Variants in CASK observed in about 807,000 individuals in gnomAD.
CASK encodes calcium/calmodulin dependent serine protein kinase, also known as peripheral plasma membrane protein CASK.
Under a neutral mutation model 82.9 loss-of-function variants are expected in CASK, and 4 were observed. That is an observed-to-expected ratio of 0.05 (90% CI 0.02 to 0.11). The LOEUF (loss-of-function observed/expected upper bound fraction) is 0.11, where lower values mean the gene tolerates loss of function less well. Among genes scored for constraint, CASK ranks in the 10% least tolerant of loss-of-function variants. CASK has a pLI of 1.00. For synonymous variants in CASK, 259 were observed against 253.5 expected, an observed-to-expected ratio of 1.02 and a Z score of -0.20; for missense variants, 358 against 720.9, an observed-to-expected ratio of 0.50 and a Z score of 5.76.
intron 8 of CASK, among the ~76,000 whole-genome samples, chrX:41,645,554 T>C (rs1171449044): frequency 9.0e-6 from 1 of 111,189 alleles, no homozygotes; most frequent in Non-Finnish European, 1.9e-5. Context: ...TGCCTTCAGA[T>C]ATGATGAGAT....
At chrX:41,749,840 T>C (rs1361741680) in intron 3 of CASK, among the ~76,000 whole-genome samples, 1 of 112,227 alleles carries the variant, frequency 8.9e-6, no homozygotes, top group Non-Finnish European at 1.9e-5. Flanking sequence ...TCAATGAACA[T>C]GATATGTCTC....
chrX:41,851,594 C>T (rs1381587397), intron 2 of CASK, among the ~76,000 whole-genome samples: 2 of 111,340 alleles, frequency 1.8e-5, no homozygotes, highest in Non-Finnish European at 3.8e-5. Flanking sequence ...ATGTCTTTAG[C>T]CTGGGGAGAT....
chrX:41,909,151 A>G (rs1372910674), intron 1 of CASK, among the ~76,000 whole-genome samples: 5 of 111,868 alleles, frequency 4.5e-5, no homozygotes, highest in East Asian at 2.8e-4. Context: ...GTAGGGCCAG[A>G]GCAGGGCCTA....
chrX:41,880,145 C>A (rs2071920976), intron 1 of CASK, among the ~76,000 whole-genome samples: 1 of 111,632 alleles, frequency 9.0e-6, no homozygotes, highest in Non-Finnish European at 1.9e-5. Context: ...AGGCACTTCT[C>A]AAGTTGTCAT....
chrX:41,717,569 G>C (rs919147794), intron 5 of CASK, among the ~76,000 whole-genome samples: 1 of 112,286 alleles, frequency 8.9e-6, no homozygotes, highest in Non-Finnish European at 1.9e-5. Flanking sequence ...AAGAGGCTTA[G>C]AGCAAGAAAT....
chrX:41,747,298 C>A (rs2147740306), intron 3 of CASK, among the ~76,000 whole-genome samples: 1 of 111,172 alleles, frequency 9.0e-6, no homozygotes, highest in Non-Finnish European at 1.9e-5. Flanking sequence ...ATGGTCTAGT[C>A]TACTCCCTAG....
intron 4 of CASK, among the ~76,000 whole-genome samples, chrX:41,744,189 G>A (rs911702980): frequency 1.8e-5 from 2 of 110,260 alleles, no homozygotes; most frequent in Admixed American, 1.9e-4. Flanking sequence ...TATGGCTGGT[G>A]ACTAAGGAGG....
chrX:41,853,306 T>C lies in CASK; in HGVS notation c.60-79A>G, dbSNP rs375297084. On this transcript the variant is annotated intron_variant, in intron 1 of 26. Transcript: ENST00000378163. ...CCATTAATGTCTTACTGTTTCATTA[T>C]CTATATAATATAGATAATGTTTGCC... 22 of 588,312 alleles carry C rather than the reference T, an allele frequency of 3.7e-5. No individual in the cohort carries two copies. The Admixed American group carries it at 4.1e-4, about 11-fold the overall frequency. The allele number at this position is 588,312 out of a possible 1,213,427, so 48.5% of individuals were successfully genotyped here.
chrX:41,597,901 G>A lies in CASK; in HGVS notation c.1156-8309C>T, dbSNP rs752843436. On this transcript the variant is annotated intron_variant, in intron 12 of 26. Transcript: ENST00000378163. Reference sequence around the variant, plus strand: ...CATCTGTCATCCCAGCACCTTGGGAGGCCAAGGTGGGCAGACTGCTTGAGG... The same window carrying A: ...CATCTGTCATCCCAGCACCTTGGGAAGCCAAGGTGGGCAGACTGCTTGAGG... Among the ~76,000 whole-genome samples the A allele has an allele frequency of 5.4e-5, 6 of 110,682 alleles. No homozygotes were observed. In the East Asian group the frequency reaches 1.7e-3, roughly 31 times the overall value.
intron 1 of CASK, among the ~76,000 whole-genome samples, chrX:41,892,428 G>C (rs2072189763): frequency 9.1e-6 from 1 of 110,147 alleles, no homozygotes; most frequent in Non-Finnish European, 1.9e-5. Flanking sequence ...TGCCTCTGGG[G>C]TTCAAGTGGT....
intron 11 of CASK, among the ~76,000 whole-genome samples, chrX:41,613,951 G>A (rs1358374574): frequency 8.9e-6 from 1 of 112,170 alleles, no homozygotes; most frequent in Non-Finnish European, 1.9e-5. Flanking sequence ...GGCTGTCCAC[G>A]TGGAAATTAC....
intron 18 of CASK, chrX:41,558,683 T>C (rs2065189004): frequency 9.0e-6 from 1 of 111,266 alleles, no homozygotes; most frequent in Non-Finnish European, 1.9e-5. Flanking sequence ...TAATTGAAGT[T>C]CCATAAAAAG....
intron 10 of CASK, chrX:41,624,195 A>G (rs1233444027): frequency 3.0e-6 from 1 of 332,771 alleles, no homozygotes; most frequent in East Asian, 9.5e-5. Flanking sequence ...AGGAGAGAAG[A>G]CAGAGGTTTC....
At chrX:41,655,660 G>A (rs1390234559) in intron 8 of CASK, among the ~76,000 whole-genome samples, 1 of 111,308 alleles carries the variant, frequency 9.0e-6, no homozygotes, top group Non-Finnish European at 1.9e-5. Context: ...ACTGTGTGAG[G>A]AACTGTGGGA....
At chrX:41,810,491 A>G (rs2070248733) in intron 2 of CASK, among the ~76,000 whole-genome samples, 1 of 111,575 alleles carries the variant, frequency 9.0e-6, no homozygotes, top group Non-Finnish European at 1.9e-5. Flanking sequence ...ACTAAGCTTC[A>G]TAAGTGAAAG....
intron 2 of CASK, among the ~76,000 whole-genome samples, chrX:41,835,335 T>C (rs1489660968): frequency 8.9e-6 from 1 of 112,064 alleles, no homozygotes; most frequent in African/African-American, 3.2e-5. Context: ...ATTACAGGCA[T>C]GAGCCACCAT....
chrX:41,609,410 C>T (rs2066009581), intron 12 of CASK, among the ~76,000 whole-genome samples: 1 of 111,844 alleles, frequency 8.9e-6, no homozygotes, highest in Non-Finnish European at 1.9e-5. Context: ...CCACGGTGCC[C>T]GGCCATATAC....
intron 1 of CASK, among the ~76,000 whole-genome samples, chrX:41,909,481 T>C (rs866202239): frequency 8.9e-6 from 1 of 112,458 alleles, no homozygotes; most frequent in Non-Finnish European, 1.9e-5. Flanking sequence ...ACCTAACATG[T>C]TCTGAGCCCT....
Position 41,831,894 on chromosome X carries a change from T to C in CASK, c.172+21221A>G, listed in dbSNP as rs755705834. 4.4e-4 allele frequency among the ~76,000 whole-genome samples: 49 copies of C among 111,082 alleles called. No individual in the cohort carries two copies. In the East Asian group the frequency reaches 0.012, roughly 28 times the overall value. On this transcript the variant is annotated intron_variant, in intron 2 of 26. Transcript: ENST00000378163. ...GAGAATCGCTTGAACCCAGGAGACATAGGTTGCAGCGAGCTGAGATCGTGC... is the reference window on the plus strand; with the variant it reads ...GAGAATCGCTTGAACCCAGGAGACACAGGTTGCAGCGAGCTGAGATCGTGC...
Sources: gnomAD v4.1 joint callset for allele counts (sites outside exome capture counted in the v4.1 genomes callset) on GRCh38, gnomAD v4.1.1 for gene constraint, MANE v1.5 for transcripts, NCBI Gene and HGNC (gene_info 2026-07-23, HGNC 2026-07-21) for gene names.